Variants in AP4E1 observed in about 807,000 individuals in gnomAD.
AP4E1 encodes adaptor related protein complex 4 subunit epsilon 1.
Under a neutral mutation model 128.2 loss-of-function variants are expected in AP4E1, and 56 were observed. The ratio of observed to expected loss-of-function variants is 0.44; its 90% confidence interval spans 0.35 to 0.55. AP4E1 has a LOEUF of 0.55. Among genes scored for constraint, AP4E1 ranks in the 20% least tolerant of loss-of-function variants. AP4E1 has a pLI of 0.00. For missense variants in AP4E1, 1,324 were observed against 1,307.7 expected, an observed-to-expected ratio of 1.01 and a Z score of -0.19; for synonymous variants, 484 against 473.1, an observed-to-expected ratio of 1.02 and a Z score of -0.30.
Position 50,968,291 on chromosome 15 carries a change from G to A in AP4E1, c.1880G>A (p.Gly627Asp). ...GATGCTTCTTTATCTTTTCTGGATG[G>A]TTTTGTGGCTGAAGGACTCAGTCAG... ...VVDASLSFLD[G>D]FVAEGLSQGA... The change falls in exon 15 of 21, where the codon GGT becomes GAT. Residue 627 changes from glycine to aspartate, a missense_variant. By Grantham distance (94) the Gly-to-Asp change is moderately conservative (BLOSUM62 -1). Coordinates refer to ENST00000261842, the MANE Select transcript of AP4E1 (RefSeq NM_007347.5). The A allele has an allele frequency of 6.2e-7, 1 of 1,613,392 alleles. No individual in the cohort carries two copies. Among genetic ancestry groups the A allele is most frequent in the Non-Finnish European group, 8.5e-7 (1 of 1,179,730 alleles).
rs28546172 is a variant in AP4E1 at position 50,949,531 on chromosome 15, G to A, written c.1317-295G>A. Among the ~76,000 whole-genome samples, 759 of 151,844 alleles carry A rather than the reference G, an allele frequency of 5.0e-3. 11 individuals carry two copies. Among genetic ancestry groups the A allele is most frequent in the African/African-American group, 0.018 (735 of 41,426 alleles). ...TGAAGAATATAATTTTCCATTATTT[G>A]CATCTAGTTAGCTGGTTTGTTTCTT... On this transcript the variant is annotated intron_variant, in intron 11 of 20. Transcript: ENST00000261842.
chr15:50,950,480 TA>T (rs1473118191), intron 13 of AP4E1, among the ~76,000 whole-genome samples: 1 of 152,246 alleles, frequency 6.6e-6, no homozygotes, highest in Non-Finnish European at 1.5e-5. Flanking sequence ...TTTTCTTTTT[TA>T]AAAAATTATA....
At chr15:50,998,216 G>A (rs2064907617) in intron 18 of AP4E1, among the ~76,000 whole-genome samples, 1 of 152,020 alleles carries the variant, frequency 6.6e-6, no homozygotes, top group African/African-American at 2.4e-5. Flanking sequence ...AATGAGATTT[G>A]ACTAGTATAT....
At chr15:50,930,389 A>T (rs1435273534) in intron 6 of AP4E1, among the ~76,000 whole-genome samples, 2 of 149,414 alleles carry the variant, frequency 1.3e-5, no homozygotes, top group African/African-American at 4.9e-5. Context: ...TAACTCATTT[A>T]CATGGGAAGT....
intron 3 of AP4E1, among the ~76,000 whole-genome samples, chr15:50,919,329 A>G (rs1267407463): frequency 2.0e-5 from 3 of 151,220 alleles, no homozygotes; most frequent in Admixed American, 6.6e-5. Flanking sequence ...GGTCAGGAGT[A>G]TGAGACCAGC....
intron 17 of AP4E1, among the ~76,000 whole-genome samples, chr15:50,995,892 AAAAAAGACCAG>A (rs886661800): frequency 1.3e-5 from 2 of 151,438 alleles, no homozygotes. Context: ...GACCAAAAAA[AAAAAAGACCAG>A]AAAAGACCAA....
intron 6 of AP4E1, among the ~76,000 whole-genome samples, chr15:50,930,479 A>T (rs984255370): frequency 3.3e-5 from 5 of 151,500 alleles, no homozygotes; most frequent in African/African-American, 1.2e-4. Flanking sequence ...CTTTTGCAGT[A>T]TGCCAGTTCT....
Position 50,924,289 on chromosome 15 carries a change from G to A in AP4E1, c.420+285G>A, listed in dbSNP as rs28674997. The stretch of plus-strand genomic sequence containing the variant: ...TTAGAACTAAAGTTCAAGTCTCTAA[G>A]TTGTTAGTTTAGGTATACTTTCCAT... On this transcript the variant is annotated intron_variant, in intron 4 of 20. Coordinates refer to ENST00000261842, the MANE Select transcript of AP4E1 (RefSeq NM_007347.5). Among the ~76,000 whole-genome samples the A allele has an allele frequency of 3.0e-3, 455 of 152,222 alleles. 8 individuals are homozygous for A. Among genetic ancestry groups the A allele is most frequent in the African/African-American group, 0.011 (443 of 41,566 alleles).
rs1046365031 is a variant in AP4E1 at position 50,974,771 on chromosome 15, T to TAAGA, written c.1966+6396_1966+6397insGAAA. Among the ~76,000 whole-genome samples, 3 of 152,216 alleles carry TAAGA rather than the reference T, an allele frequency of 2.0e-5. No homozygotes were observed. The East Asian group carries it at 5.8e-4, about 29-fold the overall frequency. On this transcript the variant is annotated intron_variant, in intron 15 of 20. Coordinates refer to ENST00000261842, the MANE Select transcript of AP4E1 (RefSeq NM_007347.5). ...TCAGTTTGTATTTTCTTGCTAATAGTAACCTTGAGCATTTTTTCATATACC... is the reference window on the plus strand; with the variant it reads ...TCAGTTTGTATTTTCTTGCTAATAGTAAGAAACCTTGAGCATTTTTTCATATACC...
intron 14 of AP4E1, among the ~76,000 whole-genome samples, chr15:50,965,178 C>T (rs2064375103): frequency 6.6e-6 from 1 of 152,064 alleles, no homozygotes; most frequent in Middle Eastern, 3.2e-3. Context: ...ATTACCCAGT[C>T]TCAAGTGTTT....
chr15:50,936,301 A>G (rs966758474), intron 8 of AP4E1, among the ~76,000 whole-genome samples: 7 of 152,236 alleles, frequency 4.6e-5, no homozygotes, highest in Non-Finnish European at 7.4e-5. Context: ...ACCAGTGTCC[A>G]GGATAAGGGT....
chr15:50,999,709 T>A (rs1361958712), intron 19 of AP4E1, among the ~76,000 whole-genome samples: 3 of 147,172 alleles, frequency 2.0e-5, no homozygotes, highest in Non-Finnish European at 4.6e-5. Flanking sequence ...TAAACTTTTT[T>A]TTATTATTAT....
At chr15:50,998,948 TTTG>T (rs1379644348) in intron 18 of AP4E1, 121 bp from the exon 19 acceptor site, 24 of 855,860 alleles carry the variant, frequency 2.8e-5, no homozygotes, top group Non-Finnish European at 4.1e-5. Flanking sequence ...CATAATGTAG[TTTG>T]TTATTAACTT....
rs2063993919 is a variant in AP4E1, at chr15:50,941,871, A to G, written c.1176+96A>G. 6.9e-6 allele frequency: 6 copies of G among 866,810 alleles called. No individual in the cohort carries two copies. The Middle Eastern group carries it at 9.4e-4, about 136-fold the overall frequency. 53.7% of individuals were successfully genotyped at this position (866,810 alleles called of 1,614,324 possible). A position where few individuals can be genotyped will look rare whatever the true frequency, so the allele number is the denominator to read the frequency against. On this transcript the variant is annotated intron_variant, in intron 10 of 20. Transcript: ENST00000261842. ...GAGATTAAAGTGGTGGGCAGTGTGTATGTTTGCTCGTGTGTATATTTTAAC... is the reference window on the plus strand; with the variant it reads ...GAGATTAAAGTGGTGGGCAGTGTGTGTGTTTGCTCGTGTGTATATTTTAAC...
intron 13 of AP4E1, among the ~76,000 whole-genome samples, chr15:50,952,651 A>T (rs1354776953): frequency 6.6e-6 from 1 of 152,144 alleles, no homozygotes; most frequent in Admixed American, 6.6e-5. Context: ...CCAGTTGAGG[A>T]TCACAAATTG....
At chr15:50,945,825 A>C in intron 10 of AP4E1, 1 of 777,690 alleles carries the variant, frequency 1.3e-6, no homozygotes, top group South Asian at 1.4e-5. Flanking sequence ...CTGATATAAA[A>C]TGTATAGCTT....
At chr15:50,941,221 A>G (rs561320101) in intron 8 of AP4E1, among the ~76,000 whole-genome samples, 19 of 152,270 alleles carry the variant, frequency 1.2e-4, no homozygotes, top group Non-Finnish European at 2.1e-4. Flanking sequence ...ATGCATAATT[A>G]TTACCAGTAA....
At chr15:50,922,044 G>T (rs1596458870) in intron 3 of AP4E1, among the ~76,000 whole-genome samples, 1 of 151,552 alleles carries the variant, frequency 6.6e-6, no homozygotes, top group Non-Finnish European at 1.5e-5. Context: ...CTTTCTGGGG[G>T]CCTGGGTGTG....
rs34342608 is a variant in AP4E1 at position 50,920,110 on chromosome 15, C to CT, written c.347-3800dup. On this transcript the variant is annotated intron_variant, in intron 3 of 20. Coordinates refer to ENST00000261842, the MANE Select transcript of AP4E1 (RefSeq NM_007347.5). Reference sequence around the variant, plus strand: ...AAAAAAAAAAAGATAAAATTTATGCCTTTTTTTTTTTTTTTTTTTTTGAGA... The same window carrying CT: ...AAAAAAAAAAAGATAAAATTTATGCCTTTTTTTTTTTTTTTTTTTTTTGAGA... 5.0e-3 allele frequency among the ~76,000 whole-genome samples: 252 copies of CT among 50,100 alleles called. 3 individuals carry two copies. Among genetic ancestry groups the CT allele is most frequent in the Admixed American group, 7.7e-3 (32 of 4,178 alleles). The allele number at this position is 50,100 out of a possible 152,430, so 32.9% of individuals were successfully genotyped here. A position where few individuals can be genotyped will look rare whatever the true frequency, so the allele number is the denominator to read the frequency against.
Sources: allele counts gnomAD v4.1 joint callset (sites outside exome capture counted in the v4.1 genomes callset), GRCh38; gene constraint gnomAD v4.1.1; transcripts MANE v1.5; gene names NCBI Gene and HGNC (gene_info 2026-07-23, HGNC 2026-07-21).